Variants in LSAMP observed in about 807,000 individuals in gnomAD.
LSAMP encodes the protein limbic system associated membrane protein.
Under a neutral mutation model 38.6 loss-of-function variants are expected in LSAMP, and 7 were observed. That is an observed-to-expected ratio of 0.18 (90% CI 0.10 to 0.34). The LOEUF is 0.34. Ranked by LOEUF, LSAMP falls within the 10% of genes least tolerant of loss-of-function variation. The pLI is 1.00. For missense variants in LSAMP, 313 were observed against 420.0 expected (o/e 0.75, Z 2.23); for synonymous variants, 154 against 166.8 (o/e 0.92, Z 0.59).
intron 3 of LSAMP, among the ~76,000 whole-genome samples, chr3:115,928,036 G>A (rs904548098): frequency 3.9e-5 from 6 of 152,072 alleles, no homozygotes; most frequent in African/African-American, 9.7e-5. Context: ...AAAAATTTTC[G>A]TTTTGTTTAA....
intron 3 of LSAMP, among the ~76,000 whole-genome samples, chr3:115,991,745 CA>C (rs900999195): frequency 6.6e-6 from 1 of 152,014 alleles, no homozygotes; most frequent in African/African-American, 2.4e-5. Flanking sequence ...GTAGAAACCC[CA>C]AAAAAAGGGA....
intron 1 of LSAMP, among the ~76,000 whole-genome samples, chr3:116,440,474 C>A (rs2049418017): frequency 2.0e-5 from 3 of 152,156 alleles, no homozygotes; most frequent in Admixed American, 2.0e-4. Context: ...AGTCAAACCA[C>A]ATAAAATAAA....
At chr3:116,332,495 A>C (rs2047864251) in intron 1 of LSAMP, among the ~76,000 whole-genome samples, 1 of 152,164 alleles carries the variant, frequency 6.6e-6, no homozygotes. Context: ...GAATATGCAC[A>C]AAAGAAAATG....
chr3:116,406,773 A>G (rs2048903352), intron 1 of LSAMP, among the ~76,000 whole-genome samples: 1 of 152,034 alleles, frequency 6.6e-6, no homozygotes, highest in Admixed American at 6.6e-5. Context: ...GTCACTTTTG[A>G]CAGAACTAAG....
chr3:115,852,462 G>A (rs1241260865), intron 4 of LSAMP, 21 bp downstream of exon 4: 4 of 1,594,204 alleles, frequency 2.5e-6, no homozygotes, highest in Non-Finnish European at 3.4e-6. Flanking sequence ...CCTAGCACCT[G>A]CTGGCTCCTG....
intron 1 of LSAMP, among the ~76,000 whole-genome samples, chr3:116,315,583 A>G (rs1364287918): frequency 2.6e-5 from 4 of 152,220 alleles, no homozygotes; most frequent in Non-Finnish European, 5.9e-5. Flanking sequence ...GCTTTAAGAA[A>G]TGACACAGCT....
intron 1 of LSAMP, among the ~76,000 whole-genome samples, chr3:116,249,817 T>C (rs544473531): frequency 6.6e-6 from 1 of 152,206 alleles, no homozygotes; most frequent in South Asian, 2.1e-4. Context: ...AGCACTACCC[T>C]TTAGCATATG....
intron 1 of LSAMP, among the ~76,000 whole-genome samples, chr3:116,394,681 T>C (rs919110041): frequency 6.7e-6 from 1 of 148,516 alleles, no homozygotes; most frequent in Admixed American, 6.6e-5. Flanking sequence ...TGATATCAAG[T>C]GACTTTTTAT....
chr3:116,009,137 G>A (rs80050601), intron 3 of LSAMP, among the ~76,000 whole-genome samples: 2,034 of 151,882 alleles, frequency 0.013, 28 homozygotes, highest in African/African-American at 0.034. Context: ...AATAATATTC[G>A]GTGAGTACTA....
intron 1 of LSAMP, among the ~76,000 whole-genome samples, chr3:116,220,268 A>G (rs2046266748): frequency 6.6e-6 from 1 of 150,564 alleles, no homozygotes; most frequent in East Asian, 2.0e-4. Flanking sequence ...AACAGAAGAT[A>G]AGGGTTGGTG....
At chr3:116,075,701 C>T (rs544828725) in intron 2 of LSAMP, among the ~76,000 whole-genome samples, 3 of 151,504 alleles carry the variant, frequency 2.0e-5, no homozygotes, top group Non-Finnish European at 2.9e-5. Context: ...CCACCACACC[C>T]GGCTAATTTT....
chr3:116,099,622 AT>A (rs1260093786), intron 1 of LSAMP, among the ~76,000 whole-genome samples: 1 of 152,192 alleles, frequency 6.6e-6, no homozygotes, highest in Non-Finnish European at 1.5e-5. Context: ...TCTTAGAATG[AT>A]GGTGATGGTC....
chr3:116,077,591 T>C (rs1372354335), intron 2 of LSAMP, among the ~76,000 whole-genome samples: 1 of 152,204 alleles, frequency 6.6e-6, no homozygotes, highest in African/African-American at 2.4e-5. Flanking sequence ...TTAAGTATTA[T>C]TGCCTTCAGT....
At chr3:116,322,496 C>A (rs2047718823) in intron 1 of LSAMP, among the ~76,000 whole-genome samples, 1 of 152,072 alleles carries the variant, frequency 6.6e-6, no homozygotes. Context: ...ATTATCGGTA[C>A]ACAAGTCACA....
At chr3:116,330,851 A>G (rs2107740633) in intron 1 of LSAMP, among the ~76,000 whole-genome samples, 2 of 152,274 alleles carry the variant, frequency 1.3e-5, no homozygotes, top group Middle Eastern at 6.8e-3. Flanking sequence ...ATTTTCAACA[A>G]CAAAAAATCA....
At chr3:116,071,507 T>TATGAGTA (rs1707605772) in intron 2 of LSAMP, among the ~76,000 whole-genome samples, 1 of 152,156 alleles carries the variant, frequency 6.6e-6, no homozygotes, top group South Asian at 2.1e-4. Context: ...CCAGTGGAGG[T>TATGAGTA]ATGAGTACAT....
At chr3:116,240,730 T>C (rs948685259) in intron 1 of LSAMP, among the ~76,000 whole-genome samples, 1 of 152,204 alleles carries the variant, frequency 6.6e-6, no homozygotes, top group Non-Finnish European at 1.5e-5. Context: ...GAAAAAAATA[T>C]GTTTTTATGC....
chr3:116,037,657 C>A (rs2107712529), intron 2 of LSAMP, among the ~76,000 whole-genome samples: 1 of 152,116 alleles, frequency 6.6e-6, no homozygotes, highest in South Asian at 2.1e-4. Context: ...TCAGAAAGCA[C>A]AAAAGGAAGA....
At chr3:115,882,402 A>G (rs951464512) in intron 3 of LSAMP, among the ~76,000 whole-genome samples, 1 of 152,088 alleles carries the variant, frequency 6.6e-6, no homozygotes, top group African/African-American at 2.4e-5. Flanking sequence ...CAAGGGCTTG[A>G]GGTTTCCTTC....
Sources: gnomAD v4.1 joint callset for allele counts (sites outside exome capture counted in the v4.1 genomes callset) on GRCh38, gnomAD v4.1.1 for gene constraint, MANE v1.5 for transcripts, NCBI Gene and HGNC (gene_info 2026-07-23, HGNC 2026-07-21) for gene names.